ZNF749: variants seen among roughly 807,000 people sequenced by gnomAD.
The protein encoded by ZNF749 is zinc finger protein 749.
In ZNF749, 8 loss-of-function variants were observed where a neutral mutation model predicts 7.3. The ratio of observed to expected loss-of-function variants is 1.10; its 90% CI spans 0.64 to 1.98. The LOEUF is 1.98. Among genes scored for constraint, ZNF749 ranks in the 30% most tolerant of loss-of-function variants. The pLI, the probability that ZNF749 is intolerant of heterozygous loss-of-function variation, is 0.00. For missense variants in ZNF749, 898 were observed against 932.4 expected (o/e 0.96, Z 0.48); for synonymous variants, 310 against 322.4 (o/e 0.96, Z 0.41).
rs189718925 is a variant in ZNF749, at chr19:57,443,565, A to G, written c.417A>G (p.Ser139=). 4.3e-6 allele frequency: 7 copies of G among 1,614,242 alleles called. No individual in the cohort carries two copies. In the South Asian group the frequency reaches 6.6e-5, roughly 15 times the overall value. ...KLTRSDEWRP[S]FVNHSAHVGE... ...CCAGAAGTGATGAGTGGAGGCCTTC[A>G]TTTGTGAACCACAGTGCTCACGTGG... Residue 139 remains serine, a synonymous_variant, in exon 3 of 3, where the codon TCA becomes TCG. Transcript: ENST00000334181.
In ZNF749 at chr19:57,435,380, C is replaced by T. The variant is rs2123088706; in HGVS notation, c.-199C>T. 1.3e-6 allele frequency: 1 copy of T among 751,998 alleles called. No homozygotes were observed. Among genetic ancestry groups the T allele is most frequent in the African/African-American group, 1.8e-5 (1 of 56,860 alleles). 46.6% of individuals were successfully genotyped at this position (751,998 alleles called of 1,614,324 possible). A position where few individuals can be genotyped will look rare whatever the true frequency, so the allele number is the denominator to read the frequency against. On this transcript the variant is annotated 5_prime_UTR_variant, in exon 1 of 3. Coordinates refer to ENST00000334181, the MANE Select transcript of ZNF749 (RefSeq NM_001023561.4). ...GCATGGCTACCTAGGGATCTGTTCA[C>T]TGATTTAGAGGGTCCCAGAGCTCTG...
chr19:57,445,575 A>C lies in ZNF749; in HGVS notation c.*90A>C, dbSNP rs1245753088. On this transcript the variant is annotated 3_prime_UTR_variant, in exon 3 of 3. Coordinates refer to ENST00000334181, the MANE Select transcript of ZNF749 (RefSeq NM_001023561.4). Reference sequence around the variant, plus strand: ...ACCAAGAACCTATTAATATATGTAAATCTAATGTTGAAAGAGTTCAGATGG... The same window carrying C: ...ACCAAGAACCTATTAATATATGTAACTCTAATGTTGAAAGAGTTCAGATGG... 1 of 1,504,132 alleles carries C rather than the reference A, an allele frequency of 6.6e-7. No homozygotes were observed. Among genetic ancestry groups the C allele is most frequent in the Non-Finnish European group, 8.9e-7 (1 of 1,129,238 alleles). The allele number at this position is 1,504,132 out of a possible 1,614,324, so 93.2% of individuals were successfully genotyped here.
At position 57,445,220 on chromosome 19, in the gene ZNF749, C is replaced by G. The variant is rs1182608277; in HGVS notation, c.2072C>G (p.Thr691Ser). 3 of 1,613,906 alleles carry G rather than the reference C, an allele frequency of 1.9e-6. No homozygotes were observed. The highest frequency in any genetic ancestry group is 2.5e-6 in the Non-Finnish European group (3 of 1,179,924). ...STFIKHHKVC[T>S]GEKPHECSKC... The stretch of plus-strand genomic sequence containing the variant: ...TTCATTAAACATCATAAAGTTTGCA[C>G]TGGGGAGAAGCCTCATGAGTGCAGT... Residue 691 changes from threonine (T) to serine (S), a missense_variant, in exon 3 of 3, where the codon ACT becomes AGT. By Grantham distance (58) the Thr-to-Ser change is moderately conservative. Coordinates refer to ENST00000334181, the MANE Select transcript of ZNF749 (RefSeq NM_001023561.4).
intron 1 of ZNF749, among the ~76,000 whole-genome samples, 174 bp from the exon 2 acceptor site, chr19:57,441,711 T>C (rs1031346674): frequency 6.6e-6 from 1 of 152,170 alleles, no homozygotes; most frequent in African/African-American, 2.4e-5. Flanking sequence ...GAAATAATCA[T>C]GTATGAGCAT....
upstream of ZNF749, among the ~76,000 whole-genome samples, chr19:57,431,008 C>CCA (rs1657064321): frequency 6.8e-6 from 1 of 147,166 alleles, no homozygotes; most frequent in Non-Finnish European, 1.5e-5. Context: ...CCACTGCACT[C>CCA]CAGCCTGATG....
In ZNF749 at chr19:57,439,569, G is replaced by A. The variant is rs2088967876; in HGVS notation, c.16-2316G>A. On this transcript the variant is annotated intron_variant, in intron 1 of 2. Coordinates refer to ENST00000334181, the MANE Select transcript of ZNF749 (RefSeq NM_001023561.4). The surrounding 1 kb of genome is among the most constrained non-coding windows in gnomAD (Gnocchi z 4.3). The stretch of plus-strand genomic sequence containing the variant: ...GGGAAGATTGCTTGAGGCCAGCCTG[G>A]GCAACATAGGGAGACTCTGTCCCTA... 6.6e-6 allele frequency among the ~76,000 whole-genome samples: 1 copy of A among 151,932 alleles called. No individual in the cohort carries two copies. The highest frequency in any genetic ancestry group is 2.1e-4 in the South Asian group (1 of 4,810).
Position 57,445,021 on chromosome 19 carries a change from T to A in ZNF749, c.1873T>A (p.Cys625Ser), listed in dbSNP as rs951593420. 1 of 1,614,192 alleles carries A rather than the reference T, an allele frequency of 6.2e-7. No individual in the cohort carries two copies. The highest frequency in any genetic ancestry group is 2.2e-5 in the East Asian group (1 of 44,876). The change falls in exon 3 of 3, where the codon TGT becomes AGT. Residue 625 changes from cysteine to serine, a missense_variant. Transcript: ENST00000334181. ...ATGTGGGAAATTCTTTAGATATCGC[T>A]GTACACTGAGTAGACATCAGAAAGT... Reference protein sequence around the residue: ...SKCGKFFRYRCTLSRHQKVHT... With the variant: ...SKCGKFFRYRSTLSRHQKVHT...
rs369777444 is a variant in ZNF749, at chr19:57,443,569, G to C, written c.421G>C (p.Val141Leu). Reference sequence around the variant, plus strand: ...AAGTGATGAGTGGAGGCCTTCATTTGTGAACCACAGTGCTCACGTGGGAGA... The same window carrying C: ...AAGTGATGAGTGGAGGCCTTCATTTCTGAACCACAGTGCTCACGTGGGAGA... Reference protein sequence around the residue: ...TRSDEWRPSFVNHSAHVGERN... With the variant: ...TRSDEWRPSFLNHSAHVGERN... The change falls in exon 3 of 3, where the codon GTG becomes CTG. Residue 141 changes from valine (V) to leucine (L), a missense_variant. Val to Leu is a conservative substitution (Grantham distance 32). Coordinates refer to ENST00000334181, the MANE Select transcript of ZNF749 (RefSeq NM_001023561.4). 4 of 1,614,132 alleles carry C rather than the reference G, an allele frequency of 2.5e-6. No homozygotes were observed. In the African/African-American group the frequency reaches 5.3e-5, roughly 22 times the overall value.
chr19:57,435,066 G>A (rs1036387668), upstream of ZNF749, among the ~76,000 whole-genome samples: 1 of 152,180 alleles, frequency 6.6e-6, no homozygotes, highest in African/African-American at 2.4e-5. Flanking sequence ...GCCCCTCCAC[G>A]TCCTTAAGAG....
upstream of ZNF749, among the ~76,000 whole-genome samples, chr19:57,434,705 A>G (rs189329633): frequency 6.6e-4 from 100 of 152,306 alleles, no homozygotes; most frequent in Non-Finnish European, 1.2e-3. Flanking sequence ...AATCTCTTCA[A>G]CTATTTCACA....
At chr19:57,431,689 A>T (rs1020733398), upstream of ZNF749, among the ~76,000 whole-genome samples, 1 of 152,180 alleles carries the variant, frequency 6.6e-6, no homozygotes, top group Non-Finnish European at 1.5e-5. Flanking sequence ...AAAAGAAGAT[A>T]AGAGAATCTT....
rs1568545918 is a variant in ZNF749, at chr19:57,442,759, C to G, written c.143-532C>G. 5.3e-5 allele frequency among the ~76,000 whole-genome samples: 8 copies of G among 152,180 alleles called. No homozygotes were observed. The highest frequency in any genetic ancestry group is 3.9e-4 in the Admixed American group (6 of 15,282). ...ACCACTATTGTTTGATGCAGGGCCACTGGCCACTCGTCACTCTTCCTTTCC... is the reference window on the plus strand; with the variant it reads ...ACCACTATTGTTTGATGCAGGGCCAGTGGCCACTCGTCACTCTTCCTTTCC... On this transcript the variant is annotated intron_variant, in intron 2 of 2. Coordinates refer to ENST00000334181, the MANE Select transcript of ZNF749 (RefSeq NM_001023561.4). This position sits in a 1 kb window ranked among gnomAD's most constrained non-coding sequence, Gnocchi z 6.6.
chr19:57,441,395 G>A (rs1282581479), intron 1 of ZNF749, among the ~76,000 whole-genome samples: 1 of 152,212 alleles, frequency 6.6e-6, no homozygotes, highest in East Asian at 1.9e-4. Flanking sequence ...TTTCATTTTT[G>A]GAAAAGAGTG....
chr19:57,443,141 A>G (rs2089009906), intron 2 of ZNF749, 150 bp from the exon 3 acceptor site: 1 of 669,502 alleles, frequency 1.5e-6, no homozygotes, highest in Non-Finnish European at 2.6e-6. Flanking sequence ...CCACCTCTGA[A>G]CACTGGGCCT....
intron 1 of ZNF749, among the ~76,000 whole-genome samples, chr19:57,440,520 G>T (rs974376290): frequency 5.3e-5 from 8 of 152,066 alleles, no homozygotes; most frequent in African/African-American, 1.9e-4. Flanking sequence ...TGCCCCAGGC[G>T]CTAGGGAACA....
upstream of ZNF749, among the ~76,000 whole-genome samples, chr19:57,430,381 C>A (rs1441413559): frequency 6.6e-6 from 1 of 152,186 alleles, no homozygotes; most frequent in Admixed American, 6.5e-5. Context: ...CCCTCATGAT[C>A]TGAAGCCTCT....
rs777588838 is a variant in ZNF749, at chr19:57,441,961, A to C, written c.92A>C (p.His31Pro). Residue 31 changes from histidine to proline, a missense_variant, in exon 2 of 3, where the codon CAC becomes CCC. Coordinates refer to ENST00000334181, the MANE Select transcript of ZNF749 (RefSeq NM_001023561.4). ...GGGATCCTTAATGATGCTCAGAGAC[A>C]CCTGCACAGCAATGTGATGTTGGAG... The part of the protein sequence containing the change: ...EWGILNDAQR[H>P]LHSNVMLENF... 4.0e-5 allele frequency: 65 copies of C among 1,614,038 alleles called. No homozygotes were observed. The highest frequency in any genetic ancestry group is 1.0e-4 in the Admixed American group (6 of 60,000).
At position 57,440,167 on chromosome 19, in the gene ZNF749, C is replaced by T. The variant is rs562031532; in HGVS notation, c.16-1718C>T. 2.0e-5 allele frequency among the ~76,000 whole-genome samples: 3 copies of T among 152,086 alleles called. No individual in the cohort carries two copies. In the East Asian group the frequency reaches 5.8e-4, roughly 29 times the overall value. ...ATGGTGAGGCATCTCCACAAACTCA[C>T]CAGGGTTTCATGGTGAGTCTTGCTT... On this transcript the variant is annotated intron_variant, in intron 1 of 2. Coordinates refer to ENST00000334181, the MANE Select transcript of ZNF749 (RefSeq NM_001023561.4).
At position 57,442,755 on chromosome 19, in the gene ZNF749, G is replaced by T. The variant is rs1049145902; in HGVS notation, c.143-536G>T. 6.6e-5 allele frequency among the ~76,000 whole-genome samples: 10 copies of T among 152,046 alleles called. No individual in the cohort carries two copies. Among genetic ancestry groups the T allele is most frequent in the Admixed American group, 5.9e-4 (9 of 15,266 alleles). On this transcript the variant is annotated intron_variant, in intron 2 of 2. Coordinates refer to ENST00000334181, the MANE Select transcript of ZNF749 (RefSeq NM_001023561.4). The surrounding 1 kb of genome is among the most constrained non-coding windows in gnomAD (Gnocchi z 6.6). ...TGTGACCACTATTGTTTGATGCAGGGCCACTGGCCACTCGTCACTCTTCCT... is the reference window on the plus strand; with the variant it reads ...TGTGACCACTATTGTTTGATGCAGGTCCACTGGCCACTCGTCACTCTTCCT...
Sources: gnomAD v4.1 joint callset for allele counts (sites outside exome capture counted in the v4.1 genomes callset) on GRCh38, gnomAD v4.1.1 for gene constraint, Gnocchi (gnomAD v3.1) non-coding constraint, MANE v1.5 for transcripts, NCBI Gene and HGNC (gene_info 2026-07-23, HGNC 2026-07-21) for gene names.